CSMD1: variants seen among roughly 807,000 people sequenced by gnomAD.
CSMD1 encodes the protein CUB and Sushi multiple domains 1.
A neutral mutation model predicts 417.5 loss-of-function variants in CSMD1; 213 were observed. The observed-to-expected ratio is 0.51, with a 90% CI of 0.46 to 0.57. The LOEUF (loss-of-function observed/expected upper bound fraction) is 0.57. Ranked by LOEUF, CSMD1 falls within the 20% of genes least tolerant of loss-of-function variation. CSMD1 has a pLI of 0.00. For missense variants in CSMD1, 6,923 were observed against 4,529.7 expected (o/e 1.53, Z -15.17); for synonymous variants, 2,862 against 1,736.8 (o/e 1.65, Z -16.11).
intron 1 of CSMD1, among the ~76,000 whole-genome samples, chr8:4,680,975 T>TGTGTGTGAGAGAGA (rs767579851): frequency 1.5e-4 from 21 of 136,680 alleles, no homozygotes; most frequent in African/African-American, 5.3e-4. Flanking sequence ...TGTGTGTGTG[T>TGTGTGTGAGAGAGA]GAGAGAGAGA....
intron 6 of CSMD1, among the ~76,000 whole-genome samples, chr8:3,735,136 A>G (rs903434992): frequency 1.2e-4 from 18 of 152,214 alleles, no homozygotes; most frequent in Admixed American, 1.1e-3. Context: ...AATCACCAGC[A>G]TTTCCTTCAG....
chr8:3,908,166 C>T (rs955241290), intron 5 of CSMD1, among the ~76,000 whole-genome samples: 1 of 152,146 alleles, frequency 6.6e-6, no homozygotes, highest in Non-Finnish European at 1.5e-5. Context: ...TGCATTTATG[C>T]ATCAATGACC....
chr8:3,898,899 T>A (rs553602352), intron 5 of CSMD1, among the ~76,000 whole-genome samples: 1 of 152,292 alleles, frequency 6.6e-6, no homozygotes, highest in East Asian at 1.9e-4. Context: ...TTACAGTCAT[T>A]TTAAACTGTA....
chr8:2,979,394 G>A (rs1805213798), intron 54 of CSMD1, among the ~76,000 whole-genome samples: 1 of 152,238 alleles, frequency 6.6e-6, no homozygotes, highest in Non-Finnish European at 1.5e-5. Context: ...GTCTTCTGCG[G>A]CATGCGGGAC....
intron 1 of CSMD1, among the ~76,000 whole-genome samples, chr8:4,676,812 T>C (rs1161934379): frequency 1.3e-5 from 2 of 151,904 alleles, no homozygotes; most frequent in Non-Finnish European, 2.9e-5. Flanking sequence ...TTTTATAAAA[T>C]GGCTTTGAAT....
chr8:4,872,498 G>A (rs181173558), intron 1 of CSMD1, among the ~76,000 whole-genome samples: 3 of 152,088 alleles, frequency 2.0e-5, no homozygotes, highest in South Asian at 2.1e-4. Context: ...TCTGAAGAAG[G>A]CACCTGGTTC....
chr8:3,346,599 G>A (rs1024222314), intron 22 of CSMD1, among the ~76,000 whole-genome samples: 4 of 152,122 alleles, frequency 2.6e-5, no homozygotes, highest in Non-Finnish European at 4.4e-5. Context: ...ACAGGCAAAC[G>A]CGGCCTTAGG....
chr8:3,974,140 G>C (rs929131832), intron 5 of CSMD1, among the ~76,000 whole-genome samples: 6 of 152,042 alleles, frequency 3.9e-5, no homozygotes, highest in Admixed American at 2.0e-4. Context: ...TTTTGTGTGT[G>C]TGTGTCTACA....
At chr8:4,155,103 G>A (rs781243549) in intron 3 of CSMD1, among the ~76,000 whole-genome samples, 6 of 152,158 alleles carry the variant, frequency 3.9e-5, no homozygotes, top group African/African-American at 1.4e-4. Context: ...TGCCTACAGT[G>A]GCCACATGAC....
At position 3,008,855 on chromosome 8, in the gene CSMD1, G is replaced by C. The variant is rs1257011862; in HGVS notation, c.8030-8724C>G. On this transcript the variant is annotated intron_variant, in intron 52 of 69. Coordinates refer to ENST00000635120, the MANE Select transcript of CSMD1 (RefSeq NM_033225.6). ...CTGACGCAAGGTGGACCCTCAAAGA[G>C]ACCTGAGGTACTTGTTGGCCGATTT... Among the ~76,000 whole-genome samples the C allele has an allele frequency of 2.6e-5, 4 of 152,190 alleles. No homozygotes were observed. The South Asian group carries it at 6.2e-4, about 24-fold the overall frequency.
chr8:4,163,027 G>A (rs116318574), intron 3 of CSMD1, among the ~76,000 whole-genome samples: 87 of 152,134 alleles, frequency 5.7e-4, no homozygotes, highest in African/African-American at 1.9e-3. Flanking sequence ...ACTTAGTAAC[G>A]TGCACTTCAG....
At chr8:3,735,540 A>C (rs1436959300) in intron 6 of CSMD1, among the ~76,000 whole-genome samples, 1 of 152,234 alleles carries the variant, frequency 6.6e-6, no homozygotes, top group Admixed American at 6.5e-5. Flanking sequence ...AGTAAAAAGC[A>C]AATTCTGCCT....
rs1487209307 is a variant in CSMD1, at chr8:4,363,509, T to C, written c.415+56444A>G. 4.6e-5 allele frequency among the ~76,000 whole-genome samples: 7 copies of C among 152,292 alleles called. No individual in the cohort carries two copies. In the East Asian group the frequency reaches 1.4e-3, roughly 29 times the overall value. On this transcript the variant is annotated intron_variant, in intron 3 of 69. Coordinates refer to ENST00000635120, the MANE Select transcript of CSMD1 (RefSeq NM_033225.6). ...GAGGAGGAAAAGCATACTTTTATTG[T>C]TTGCAAAGCTAAGAAAGAAGAGCAA...
chr8:4,205,488 A>T (rs562786736), intron 3 of CSMD1, among the ~76,000 whole-genome samples: 1 of 152,350 alleles, frequency 6.6e-6, no homozygotes, highest in South Asian at 2.1e-4. Context: ...TTCTACAAAC[A>T]AGCCACTCGA....
chr8:3,428,224 C>G (rs1215277408), intron 12 of CSMD1, among the ~76,000 whole-genome samples: 1 of 151,932 alleles, frequency 6.6e-6, no homozygotes, highest in African/African-American at 2.4e-5. Flanking sequence ...ATTTCCTTGA[C>G]TGTTAAACAC....
chr8:4,219,936 A>T (rs1304457091), intron 3 of CSMD1, among the ~76,000 whole-genome samples: 1 of 151,930 alleles, frequency 6.6e-6, no homozygotes, highest in Admixed American at 6.5e-5. Flanking sequence ...ACTCAAGATA[A>T]TTTTTTAAAA....
intron 25 of CSMD1, 101 bp downstream of exon 25, chr8:3,307,594 G>A (rs1005700923): frequency 1.5e-6 from 2 of 1,330,794 alleles, no homozygotes; most frequent in African/African-American, 1.5e-5. Context: ...CTTTAGTTCA[G>A]AAACTTTAAC....
At chr8:3,289,588 A>T (rs1481029945) in intron 25 of CSMD1, among the ~76,000 whole-genome samples, 1 of 142,380 alleles carries the variant, frequency 7.0e-6, no homozygotes, top group Non-Finnish European at 1.5e-5. Context: ...GATGATGAGC[A>T]TTTTTTCATG....
intron 1 of CSMD1, among the ~76,000 whole-genome samples, chr8:4,929,625 C>A (rs148885916): frequency 8.3e-4 from 127 of 152,290 alleles, no homozygotes; most frequent in African/African-American, 2.9e-3. Flanking sequence ...CATTTGTCAC[C>A]ATTTTCATCT....
Sources: gnomAD v4.1 joint callset for allele counts (sites outside exome capture counted in the v4.1 genomes callset) on GRCh38, gnomAD v4.1.1 for gene constraint, MANE v1.5 for transcripts, NCBI Gene and HGNC (gene_info 2026-07-23, HGNC 2026-07-21) for gene names.